MAGI2: variants seen among roughly 807,000 people sequenced by gnomAD.
MAGI2 encodes the protein membrane-associated guanylate kinase, WW and PDZ domain-containing protein 2.
MAGI2 carries 35 observed loss-of-function variants against 133.3 expected under a neutral mutation model. The observed-to-expected ratio is 0.26, with a 90% CI of 0.20 to 0.35. The LOEUF (loss-of-function observed/expected upper bound fraction) is 0.35. Among genes scored for constraint, MAGI2 ranks in the 10% least tolerant of loss-of-function variants. The pLI, the probability that MAGI2 is intolerant of heterozygous loss-of-function variation, is 1.00. For synonymous variants in MAGI2, 729 were observed against 710.6 expected (o/e 1.03, Z -0.41); for missense variants, 1,636 against 1,863.4 (o/e 0.88, Z 2.25).
chr7:78,336,344 T>C (rs538527733), intron 9 of MAGI2, among the ~76,000 whole-genome samples: 1 of 152,270 alleles, frequency 6.6e-6, no homozygotes, highest in African/African-American at 2.4e-5. Flanking sequence ...TGCCCTTACT[T>C]TCAGAAGCAC....
At chr7:79,021,658 T>C (rs957591756) in intron 1 of MAGI2, among the ~76,000 whole-genome samples, 1 of 152,214 alleles carries the variant, frequency 6.6e-6, no homozygotes, top group Non-Finnish European at 1.5e-5. Context: ...AACTTGCTTT[T>C]GATTTTACAG....
intron 7 of MAGI2, among the ~76,000 whole-genome samples, chr7:78,361,074 A>G (rs1792732923): frequency 6.7e-6 from 1 of 149,724 alleles, no homozygotes; most frequent in Non-Finnish European, 1.5e-5. Context: ...AGAAGTGCCT[A>G]AACAAGGGCC....
At chr7:78,595,880 G>T (rs17380248) in intron 3 of MAGI2, among the ~76,000 whole-genome samples, 55,185 of 151,844 alleles carry the variant, frequency 0.36, 10,718 homozygotes, top group Middle Eastern at 0.46. Context: ...GAATTTATTT[G>T]TTCCTAGAGT....
At chr7:78,695,007 C>T (rs1817354409) in intron 2 of MAGI2, among the ~76,000 whole-genome samples, 2 of 152,260 alleles carry the variant, frequency 1.3e-5, no homozygotes. Context: ...CGGCAGATCA[C>T]GAAGTCAGGA....
chr7:79,165,702 A>C (rs1419641226), intron 1 of MAGI2, among the ~76,000 whole-genome samples: 3 of 152,116 alleles, frequency 2.0e-5, no homozygotes, highest in Non-Finnish European at 4.4e-5. Flanking sequence ...TTATTATTAT[A>C]TCACAGTTTT....
At chr7:78,442,519 C>T (rs1224975969) in intron 6 of MAGI2, among the ~76,000 whole-genome samples, 1 of 152,070 alleles carries the variant, frequency 6.6e-6, no homozygotes, top group Non-Finnish European at 1.5e-5. Context: ...GCTTGTTATG[C>T]CTCATAAGTG....
At chr7:78,258,310 C>T (rs1793193849) in intron 9 of MAGI2, among the ~76,000 whole-genome samples, 2 of 152,298 alleles carry the variant, frequency 1.3e-5, no homozygotes, top group South Asian at 4.1e-4. Flanking sequence ...TGATTCCATT[C>T]ATCTCAGTGT....
chr7:78,902,207 T>C (rs1584336985), intron 2 of MAGI2, among the ~76,000 whole-genome samples: 2 of 152,296 alleles, frequency 1.3e-5, no homozygotes, highest in Non-Finnish European at 2.9e-5. Flanking sequence ...TTTAGTTTTC[T>C]TAGAGAGTTT....
chr7:78,099,604 A>C (rs11496071), intron 20 of MAGI2, among the ~76,000 whole-genome samples: 18,401 of 151,870 alleles, frequency 0.12, 1,362 homozygotes, highest in Middle Eastern at 0.19. Context: ...GATCTATATA[A>C]AATTGTGTAA....
intron 1 of MAGI2, among the ~76,000 whole-genome samples, chr7:79,427,214 A>G (rs1847440609): frequency 6.6e-6 from 1 of 152,128 alleles, no homozygotes; most frequent in East Asian, 1.9e-4. Context: ...AAGATATAGA[A>G]GCTTGAATAT....
chr7:78,829,658 G>A (rs554834126), intron 2 of MAGI2, among the ~76,000 whole-genome samples: 3 of 151,962 alleles, frequency 2.0e-5, no homozygotes, highest in East Asian at 1.9e-4. Context: ...GAAAGACATC[G>A]GTCTCTTGTT....
At chr7:78,536,951 C>T (rs538199174) in intron 3 of MAGI2, among the ~76,000 whole-genome samples, 1 of 151,818 alleles carries the variant, frequency 6.6e-6, no homozygotes, top group African/African-American at 2.4e-5. Context: ...GTCTTTTATC[C>T]CTTGCTCCTC....
chr7:79,152,529 T>C (rs1823352302), intron 1 of MAGI2, among the ~76,000 whole-genome samples: 1 of 152,224 alleles, frequency 6.6e-6, no homozygotes, highest in Non-Finnish European at 1.5e-5. Flanking sequence ...AATTCATCAC[T>C]AGCACAAAAC....
At chr7:79,082,463 T>G (rs78120774) in intron 1 of MAGI2, among the ~76,000 whole-genome samples, 5,664 of 152,116 alleles carry the variant, frequency 0.037, 230 homozygotes, top group African/African-American at 0.1. Context: ...CCAGAACCAC[T>G]TGTTGAGAAG....
chr7:79,440,228 T>C (rs1164254888), intron 1 of MAGI2, among the ~76,000 whole-genome samples: 3 of 152,002 alleles, frequency 2.0e-5, no homozygotes, highest in Non-Finnish European at 4.4e-5. Flanking sequence ...TAATGGATTC[T>C]AGCCTTGGAA....
At chr7:78,669,958 C>A (rs2151069059) in intron 2 of MAGI2, among the ~76,000 whole-genome samples, 1 of 151,698 alleles carries the variant, frequency 6.6e-6, no homozygotes. Context: ...AACCCACAGC[C>A]AATATCATAC....
intron 1 of MAGI2, 132 bp downstream of exon 1, chr7:79,452,888 C>A (rs1330818949): frequency 1.7e-5 from 16 of 951,680 alleles, no homozygotes; most frequent in Non-Finnish European, 2.3e-5. Context: ...ACTTGCACTG[C>A]GGGTGCTCTC....
intron 14 of MAGI2, among the ~76,000 whole-genome samples, chr7:78,172,056 A>G (rs1220249226): frequency 6.6e-6 from 1 of 152,132 alleles, no homozygotes; most frequent in Admixed American, 6.5e-5. Flanking sequence ...ATTCTACTTT[A>G]TCTCTCGCTG....
intron 11 of MAGI2, among the ~76,000 whole-genome samples, chr7:78,197,134 C>T (rs951082529): frequency 2.6e-5 from 4 of 152,196 alleles, no homozygotes; most frequent in Admixed American, 6.5e-5. Flanking sequence ...TTCATTTGAT[C>T]GCAAAATTCA....
Sources: allele counts gnomAD v4.1 joint callset (sites outside exome capture counted in the v4.1 genomes callset), GRCh38; gene constraint gnomAD v4.1.1; transcripts MANE v1.5; gene names NCBI Gene and HGNC (gene_info 2026-07-23, HGNC 2026-07-21).